HDAC11: variants seen among roughly 807,000 people sequenced by gnomAD.
HDAC11 encodes the protein histone deacetylase 11.
Under a neutral mutation model 41.1 loss-of-function variants are expected in HDAC11, and 23 were observed. The observed-to-expected ratio is 0.56, with a 90% CI of 0.40 to 0.79. The LOEUF (loss-of-function observed/expected upper bound fraction) is 0.79. HDAC11 is among the 30% of genes least tolerant of loss of function. The pLI is 0.00. For missense variants in HDAC11, 402 were observed against 477.3 expected, an observed-to-expected ratio of 0.84 and a Z score of 1.47; for synonymous variants, 187 against 186.6, an observed-to-expected ratio of 1.00 and a Z score of -0.02.
chr3:13,481,506 C>T, intron 2 of HDAC11, 112 bp downstream of exon 2: 2 of 1,305,474 alleles, frequency 1.5e-6, no homozygotes, highest in East Asian at 2.3e-5. Context: ...TTTCAGCCCT[C>T]GGATGGCCTT....
At chr3:13,484,184 G>A (rs960288380) in intron 3 of HDAC11, among the ~76,000 whole-genome samples, 4 of 152,108 alleles carry the variant, frequency 2.6e-5, no homozygotes, top group Admixed American at 6.5e-5. Flanking sequence ...AGCTGGTCTC[G>A]AACTCCTGAA....
chr3:13,491,559 C>G (rs1302490702), intron 3 of HDAC11, among the ~76,000 whole-genome samples: 4 of 152,158 alleles, frequency 2.6e-5, no homozygotes, highest in African/African-American at 9.6e-5. Flanking sequence ...CAGCCTAGCT[C>G]TTCCCTGAGA....
chr3:13,490,683 A>AT (rs969420252), intron 3 of HDAC11, among the ~76,000 whole-genome samples: 1 of 129,734 alleles, frequency 7.7e-6, no homozygotes, highest in East Asian at 2.5e-4. Context: ...AATACAACTG[A>AT]TTTTTTTGTG....
chr3:13,502,011 T>A lies in HDAC11; in HGVS notation c.552+78T>A. 8.5e-7 allele frequency: 1 copy of A among 1,176,466 alleles called. No individual in the cohort carries two copies. The highest frequency in any genetic ancestry group is 1.8e-5 in the Admixed American group (1 of 56,876). 72.9% of individuals were successfully genotyped at this position (1,176,466 alleles called of 1,614,324 possible). A position where few individuals can be genotyped will look rare whatever the true frequency, so the allele number is the denominator to read the frequency against. The stretch of plus-strand genomic sequence containing the variant: ...AGAATCTTCCCGGGGCAGGAGAGTC[T>A]CCCTCCTCATGTCCCCACGGCTCTC... On this transcript the variant is annotated intron_variant, in intron 7 of 9. Coordinates refer to ENST00000295757, the MANE Select transcript of HDAC11 (RefSeq NM_024827.4). The surrounding 1 kb of genome is among the most constrained non-coding windows in gnomAD (Gnocchi z 4.1).
rs1178247432 is a variant in HDAC11, at chr3:13,504,103, G to C, written c.659G>C (p.Arg220Thr). Residue 220 changes from arginine to threonine, a missense_variant, in exon 9 of 10, where the codon AGG becomes ACG. Physicochemically the swap from Arg to Thr is moderately conservative, Grantham distance 71. Coordinates refer to ENST00000295757, the MANE Select transcript of HDAC11 (RefSeq NM_024827.4). ...PGDRFAKQAIRRKVELEWGTE... is the reference protein window; with the variant it reads ...PGDRFAKQAITRKVELEWGTE... ...CATGTCTCTCTCCCAGAGGCCATCA[G>C]GCGGAAGGTGGAGCTGGAGTGGGGC... The C allele has an allele frequency of 6.2e-7, 1 of 1,614,002 alleles. No individual in the cohort carries two copies. Among genetic ancestry groups the C allele is most frequent in the Non-Finnish European group, 8.5e-7 (1 of 1,179,996 alleles).
intron 3 of HDAC11, among the ~76,000 whole-genome samples, chr3:13,496,174 C>A (rs1207857405): frequency 6.6e-6 from 1 of 152,168 alleles, no homozygotes; most frequent in Non-Finnish European, 1.5e-5. Context: ...ACCGTAGACC[C>A]CCCCAGCCTC....
intron 3 of HDAC11, among the ~76,000 whole-genome samples, chr3:13,489,241 C>A (rs1701736850): frequency 6.6e-6 from 1 of 152,060 alleles, no homozygotes; most frequent in South Asian, 2.1e-4. Context: ...TTGCTGAAGT[C>A]CAATTTATCT....
At chr3:13,503,248 A>G in intron 8 of HDAC11, 2 of 301,392 alleles carry the variant, frequency 6.6e-6, no homozygotes, top group Non-Finnish European at 1.2e-5. Context: ...AATAGGATAA[A>G]TTTGAAAATA....
In HDAC11 at chr3:13,497,554, C is replaced by G. The variant is rs559318059; in HGVS notation, c.369+702C>G. On this transcript the variant is annotated intron_variant, in intron 4 of 9. Coordinates refer to ENST00000295757, the MANE Select transcript of HDAC11 (RefSeq NM_024827.4). The stretch of plus-strand genomic sequence containing the variant: ...GATGAATAAGCCTCCACGTCTCCCC[C>G]ACTGCGGGTGTGGCAACAAAGAATC... 2.0e-4 allele frequency among the ~76,000 whole-genome samples: 30 copies of G among 152,252 alleles called. No individual in the cohort carries two copies. In the South Asian group the frequency reaches 6.0e-3, roughly 30 times the overall value.
intron 3 of HDAC11, among the ~76,000 whole-genome samples, chr3:13,484,163 C>T (rs1393818641): frequency 3.3e-5 from 5 of 152,086 alleles, no homozygotes; most frequent in Non-Finnish European, 2.9e-5. Context: ...GTGGTTTCGC[C>T]GTGTTGGCCA....
intron 3 of HDAC11, among the ~76,000 whole-genome samples, chr3:13,487,919 A>T (rs1485362241): frequency 6.6e-6 from 1 of 151,926 alleles, no homozygotes; most frequent in African/African-American, 2.4e-5. Flanking sequence ...AGGGGTGGGG[A>T]GAGCTGGTGA....
rs200966455 is a variant in HDAC11 at position 13,504,653 on chromosome 3, C to T, written c.1014C>T (p.Asp338=). ...ESPSVSAQNS[D]TPLLPPAVP ...CCAGCGTCTCCGCACAGAACTCAGA[C>T]ACACCGCTGCTTCCCCCTGCAGTGC... Residue 338 remains aspartate, a synonymous_variant, in exon 10 of 10, where the codon GAC becomes GAT. Transcript: ENST00000295757. 9.4e-5 allele frequency: 152 copies of T among 1,613,826 alleles called. No homozygotes were observed. Among genetic ancestry groups the T allele is most frequent in the Non-Finnish European group, 1.2e-4 (147 of 1,180,020 alleles).
chr3:13,499,469 C>T (rs144756525), intron 5 of HDAC11, among the ~76,000 whole-genome samples: 186 of 152,332 alleles, frequency 1.2e-3, no homozygotes, highest in African/African-American at 4.3e-3. Context: ...CCACCACGCC[C>T]GGCCTTCACC....
At chr3:13,484,540 T>A (rs1701473956) in intron 3 of HDAC11, among the ~76,000 whole-genome samples, 1 of 152,096 alleles carries the variant, frequency 6.6e-6, no homozygotes. Flanking sequence ...CTGATTTTTT[T>A]TTTGAGACTG....
Position 13,480,940 on chromosome 3 carries a change from A to ACACACCTGAGTG in HDAC11, c.3-302_3-291dup, listed in dbSNP as rs1346601730. ...TGATGCGCGGAGGCCTTGCAGCCAG[A>ACACACCTGAGTG]CACACCTGAGTGCACGCCTGCTTCT... On this transcript the variant is annotated intron_variant, in intron 1 of 9. Coordinates refer to ENST00000295757, the MANE Select transcript of HDAC11 (RefSeq NM_024827.4). This position sits in a 1 kb window ranked among gnomAD's most constrained non-coding sequence, Gnocchi z 4.6. 1.1e-5 allele frequency: 5 copies of ACACACCTGAGTG among 471,596 alleles called. No individual in the cohort carries two copies. The highest frequency in any genetic ancestry group is 9.8e-5 in the African/African-American group (5 of 50,972). 29.2% of individuals were successfully genotyped at this position (471,596 alleles called of 1,614,324 possible). A position where few individuals can be genotyped will look rare whatever the true frequency, so the allele number is the denominator to read the frequency against.
chr3:13,486,951 A>C (rs1465090007), intron 3 of HDAC11, among the ~76,000 whole-genome samples: 1 of 152,138 alleles, frequency 6.6e-6, no homozygotes, highest in Non-Finnish European at 1.5e-5. Context: ...TGATCTTCCA[A>C]AGGGGAGAAG....
intron 2 of HDAC11, among the ~76,000 whole-genome samples, chr3:13,483,075 TAAAA>T (rs746190208): frequency 9.1e-6 from 1 of 109,884 alleles, no homozygotes; most frequent in African/African-American, 3.5e-5. Flanking sequence ...TTAAATGAAT[TAAAA>T]AAAAAAAAAG....
intron 3 of HDAC11, among the ~76,000 whole-genome samples, chr3:13,493,412 G>A (rs978724948): frequency 5.9e-5 from 9 of 152,218 alleles, no homozygotes; most frequent in African/African-American, 1.7e-4. Flanking sequence ...CTCCTAGAGC[G>A]GTGCTGCCCT....
Position 13,502,997 on chromosome 3 carries a change from A to C in HDAC11, c.649+17A>C. 1 of 1,594,740 alleles carries C rather than the reference A, an allele frequency of 6.3e-7. No individual in the cohort carries two copies. The highest frequency in any genetic ancestry group is 1.7e-5 in the Admixed American group (1 of 59,946). On this transcript the variant is annotated intron_variant, in intron 8 of 9. Coordinates refer to ENST00000295757, the MANE Select transcript of HDAC11 (RefSeq NM_024827.4). The surrounding 1 kb of genome is among the most constrained non-coding windows in gnomAD (Gnocchi z 4.1). ...TTGCCAAGCGTAAGCTGCTGCCCCT[A>C]CCCTCATCTTGGGTGTGTCCTTGTG...
Sources: allele counts gnomAD v4.1 joint callset (sites outside exome capture counted in the v4.1 genomes callset), GRCh38; gene constraint gnomAD v4.1.1; non-coding constraint Gnocchi (gnomAD v3.1); transcripts MANE v1.5; gene names NCBI Gene and HGNC (gene_info 2026-07-23, HGNC 2026-07-21).